Variants in CACNA2D3 observed in about 807,000 individuals in gnomAD.
CACNA2D3 encodes the protein calcium voltage-gated channel auxiliary subunit alpha2delta 3.
CACNA2D3 carries 60 observed loss-of-function variants against 160.6 expected under a neutral mutation model. That is an observed-to-expected ratio of 0.37 (90% confidence interval 0.30 to 0.46). The LOEUF is 0.46. Among genes scored for constraint, CACNA2D3 ranks in the 20% least tolerant of loss-of-function variants. CACNA2D3 has a pLI of 1.00. For missense variants in CACNA2D3, 1,205 were observed against 1,365.0 expected, an observed-to-expected ratio of 0.88 and a Z score of 1.85; for synonymous variants, 558 against 492.9, an observed-to-expected ratio of 1.13 and a Z score of -1.75.
intron 2 of CACNA2D3, among the ~76,000 whole-genome samples, chr3:54,214,464 G>T (rs1238258052): frequency 6.6e-6 from 1 of 152,166 alleles, no homozygotes; most frequent in African/African-American, 2.4e-5. Context: ...ACAAGATCTG[G>T]AGCCAAAGGG....
chr3:54,207,714 C>T (rs553655045), intron 2 of CACNA2D3, among the ~76,000 whole-genome samples: 6 of 151,998 alleles, frequency 3.9e-5, no homozygotes, highest in South Asian at 2.1e-4. Context: ...GGCCATGGAG[C>T]GTGGTCACTA....
At chr3:54,146,284 A>G (rs1194487199) in intron 2 of CACNA2D3, among the ~76,000 whole-genome samples, 2 of 152,182 alleles carry the variant, frequency 1.3e-5, no homozygotes, top group Non-Finnish European at 2.9e-5. Context: ...ACTTCCTTCC[A>G]GTCTGTGACC....
chr3:54,310,166 G>A (rs1703704405), intron 2 of CACNA2D3, among the ~76,000 whole-genome samples: 1 of 151,974 alleles, frequency 6.6e-6, no homozygotes, highest in Non-Finnish European at 1.5e-5. Flanking sequence ...CATACAATAG[G>A]GCACTTTCCA....
intron 4 of CACNA2D3, among the ~76,000 whole-genome samples, chr3:54,490,582 T>A (rs1701093009): frequency 6.6e-6 from 1 of 152,188 alleles, no homozygotes; most frequent in Non-Finnish European, 1.5e-5. Flanking sequence ...TCAGTCATCT[T>A]CACACCTTTG....
chr3:55,028,798 C>T (rs79523178), intron 35 of CACNA2D3, among the ~76,000 whole-genome samples: 1 of 152,068 alleles, frequency 6.6e-6, no homozygotes, highest in Non-Finnish European at 1.5e-5. Context: ...TATCACTCAT[C>T]ACTTCTCATA....
chr3:54,309,810 C>T (rs1238032927), intron 2 of CACNA2D3, among the ~76,000 whole-genome samples: 1 of 152,030 alleles, frequency 6.6e-6, no homozygotes, highest in Non-Finnish European at 1.5e-5. Flanking sequence ...GCTTCTCAAC[C>T]CCCTAAGGAG....
chr3:54,129,072 T>C (rs1039988636), intron 2 of CACNA2D3, among the ~76,000 whole-genome samples: 4 of 150,740 alleles, frequency 2.7e-5, no homozygotes, highest in Non-Finnish European at 4.4e-5. Context: ...GAAAATGATA[T>C]GAGGAAGAGG....
intron 11 of CACNA2D3, among the ~76,000 whole-genome samples, chr3:54,722,627 T>C (rs1701190208): frequency 6.6e-6 from 1 of 152,186 alleles, no homozygotes; most frequent in Non-Finnish European, 1.5e-5. Context: ...TGTTTGTTAG[T>C]TTTCCTTCTG....
At chr3:54,344,922 C>T (rs1414531227) in intron 3 of CACNA2D3, among the ~76,000 whole-genome samples, 4 of 152,206 alleles carry the variant, frequency 2.6e-5, no homozygotes, top group Non-Finnish European at 5.9e-5. Flanking sequence ...CCAGCCAAAA[C>T]CCACCAAAAC....
chr3:55,073,467 C>T lies in CACNA2D3; in HGVS notation c.3010C>T (p.Pro1004Ser). 1 of 1,613,854 alleles carries T rather than the reference C, an allele frequency of 6.2e-7. No homozygotes were observed. Among genetic ancestry groups the T allele is most frequent in the East Asian group, 2.2e-5 (1 of 44,874 alleles). ...CSKSFVIQQI[P>S]SSNLFMVVVD... ...CAGGTCCTTTGTCATCCAGCAAATC[C>T]CAAGCAGCAACCTGTTCATGGTGGT... The change falls in exon 36 of 38, where the codon CCA (proline) becomes TCA (serine). Residue 1004 changes from proline to serine, a missense_variant. This residue lies in a region of CACNA2D3 where 911 missense variants were observed against 1,002.2 expected (regional missense o/e 0.91). Transcript: ENST00000474759.
At chr3:54,468,060 A>G (rs1700660556) in intron 4 of CACNA2D3, among the ~76,000 whole-genome samples, 2 of 152,220 alleles carry the variant, frequency 1.3e-5, no homozygotes, top group Non-Finnish European at 2.9e-5. Context: ...TGATAATAAT[A>G]GAAGTACTGC....
intron 4 of CACNA2D3, among the ~76,000 whole-genome samples, chr3:54,427,190 C>A (rs1699922905): frequency 6.6e-6 from 1 of 152,166 alleles, no homozygotes; most frequent in Non-Finnish European, 1.5e-5. Flanking sequence ...TTGTAGAGTG[C>A]CAGAAAGCCC....
intron 27 of CACNA2D3, among the ~76,000 whole-genome samples, chr3:54,908,743 CT>C (rs923202584): frequency 6.6e-6 from 1 of 152,118 alleles, no homozygotes; most frequent in Admixed American, 6.5e-5. Context: ...AGCAAAAAAT[CT>C]TGTGAGCTCT....
intron 31 of CACNA2D3, among the ~76,000 whole-genome samples, chr3:55,001,607 T>C (rs1702980222): frequency 6.6e-6 from 1 of 152,232 alleles, no homozygotes. Context: ...CAGGTATTAC[T>C]GACTTCAAAG....
At chr3:55,062,243 C>T (rs1704528206) in intron 35 of CACNA2D3, among the ~76,000 whole-genome samples, 1 of 151,768 alleles carries the variant, frequency 6.6e-6, no homozygotes, top group South Asian at 2.1e-4. Flanking sequence ...CCTCAGCCTC[C>T]CGAGTAGCTG....
chr3:54,353,536 A>G (rs1307600808), intron 3 of CACNA2D3, among the ~76,000 whole-genome samples: 3 of 151,962 alleles, frequency 2.0e-5, no homozygotes, highest in South Asian at 4.1e-4. Context: ...TGGGAACCAC[A>G]TCTCTAAAGC....
intron 35 of CACNA2D3, among the ~76,000 whole-genome samples, chr3:55,041,845 T>A (rs576756705): frequency 6.6e-6 from 1 of 152,118 alleles, no homozygotes; most frequent in Non-Finnish European, 1.5e-5. Context: ...GGTTTTGATA[T>A]GATGCCTTTT....
At chr3:54,500,698 G>A (rs950794021) in intron 4 of CACNA2D3, among the ~76,000 whole-genome samples, 4 of 149,384 alleles carry the variant, frequency 2.7e-5, no homozygotes, top group African/African-American at 9.9e-5. Context: ...TCCTCTCTTA[G>A]CATATAAATT....
chr3:54,951,302 C>G (rs1170333771), intron 27 of CACNA2D3, among the ~76,000 whole-genome samples: 1 of 152,218 alleles, frequency 6.6e-6, no homozygotes, highest in Non-Finnish European at 1.5e-5. Context: ...AATAGCCAAG[C>G]CGCAGACAAG....
Sources: gnomAD v4.1 joint callset for allele counts (sites outside exome capture counted in the v4.1 genomes callset) on GRCh38, gnomAD v4.1.1 for gene constraint, gnomAD v4.1.1 regional missense constraint, MANE v1.5 for transcripts, NCBI Gene and HGNC (gene_info 2026-07-23, HGNC 2026-07-21) for gene names.